CACNA1C: variants seen among roughly 807,000 people sequenced by gnomAD.
The protein encoded by CACNA1C is voltage-dependent L-type calcium channel subunit alpha-1C.
A neutral mutation model predicts 229.0 loss-of-function variants in CACNA1C; 30 were observed. That is an observed-to-expected ratio of 0.13 (90% CI 0.10 to 0.18). The LOEUF (loss-of-function observed/expected upper bound fraction) is 0.18, where lower values mean the gene tolerates loss of function less well. CACNA1C is among the 10% of genes least tolerant of loss of function. CACNA1C has a pLI of 1.00. For missense variants in CACNA1C, 1,658 were observed against 2,845.0 expected (o/e 0.58, Z 9.49); for synonymous variants, 1,114 against 1,132.5 (o/e 0.98, Z 0.33).
At chr12:2,428,934 G>A (rs555598418) in intron 3 of CACNA1C, among the ~76,000 whole-genome samples, 2 of 152,282 alleles carry the variant, frequency 1.3e-5, no homozygotes, top group East Asian at 1.9e-4. Context: ...CTGTCACAAA[G>A]TACCATGAAC....
intron 3 of CACNA1C, among the ~76,000 whole-genome samples, chr12:2,397,603 G>A (rs1456751103): frequency 1.3e-5 from 2 of 152,340 alleles, no homozygotes; most frequent in Non-Finnish European, 2.9e-5. Context: ...GGTTGCAGGG[G>A]AATTTATGTG....
intron 1 of CACNA1C, among the ~76,000 whole-genome samples, chr12:2,025,093 C>A (rs993698423): frequency 6.6e-6 from 1 of 152,210 alleles, no homozygotes; most frequent in Non-Finnish European, 1.5e-5. Context: ...GCCTTCCCCA[C>A]GGCCTCTGCA....
rs1014994256 is a variant in CACNA1C, at chr12:2,415,131, G to A, written c.478-33845G>A. 3.7e-4 allele frequency among the ~76,000 whole-genome samples: 56 copies of A among 152,274 alleles called. No homozygotes were observed. The South Asian group carries it at 4.6e-3, about 12-fold the overall frequency. On this transcript the variant is annotated intron_variant, in intron 3 of 46. Coordinates refer to ENST00000399655, the MANE Select transcript of CACNA1C (RefSeq NM_000719.7). ...CCAGGTTCTGTCAGGGTGGCGAGGGGGCTCACGCAGAGGATCCACTTTTCT... is the reference window on the plus strand; with the variant it reads ...CCAGGTTCTGTCAGGGTGGCGAGGGAGCTCACGCAGAGGATCCACTTTTCT...
chr12:2,504,501 CT>C lies in CACNA1C; in HGVS notation c.1114-336del. 1.9e-6 allele frequency: 3 copies of C among 1,611,416 alleles called. No individual in the cohort carries two copies. The highest frequency in any genetic ancestry group is 2.5e-6 in the Non-Finnish European group (3 of 1,177,718). On this transcript the variant is annotated intron_variant, in intron 7 of 46. Transcript: ENST00000399655. This position sits in a 1 kb window ranked among gnomAD's most constrained non-coding sequence, Gnocchi z 6.8. ...TTGTCAGTCTGGTCATCTTTGGATCCTTTTTCGTTCTAAATCTGGTTCTCGG... is the reference window on the plus strand; with the variant it reads ...TTGTCAGTCTGGTCATCTTTGGATCCTTTTCGTTCTAAATCTGGTTCTCGG...
chr12:2,441,204 G>C (rs2099222033), intron 3 of CACNA1C, among the ~76,000 whole-genome samples: 1 of 152,114 alleles, frequency 6.6e-6, no homozygotes, highest in Non-Finnish European at 1.5e-5. Context: ...ATCTAGGTGG[G>C]CACACACAAG....
At chr12:2,480,925 C>A (rs1011471265) in intron 5 of CACNA1C, among the ~76,000 whole-genome samples, 4 of 152,190 alleles carry the variant, frequency 2.6e-5, no homozygotes, top group Non-Finnish European at 4.4e-5. Flanking sequence ...ATTCTAGGGT[C>A]TTCAACAGTT....
intron 3 of CACNA1C, among the ~76,000 whole-genome samples, chr12:2,377,406 G>C (rs1467121927): frequency 6.6e-6 from 1 of 152,178 alleles, no homozygotes; most frequent in East Asian, 1.9e-4. Flanking sequence ...AGCTGCAACA[G>C]CGCTGCACCC....
chr12:2,279,922 C>A (rs190391305), intron 3 of CACNA1C, among the ~76,000 whole-genome samples: 3 of 152,166 alleles, frequency 2.0e-5, no homozygotes, highest in African/African-American at 4.8e-5. Flanking sequence ...ATCTGTGGGG[C>A]AGGAGGAGGT....
intron 3 of CACNA1C, among the ~76,000 whole-genome samples, chr12:2,324,172 C>T (rs1005627337): frequency 2.6e-5 from 4 of 152,310 alleles, no homozygotes; most frequent in East Asian, 3.9e-4. Context: ...AGATGACTCA[C>T]TCTAGCCACT....
chr12:2,018,961 C>T (rs1026458419), intron 1 of CACNA1C, among the ~76,000 whole-genome samples: 1 of 152,160 alleles, frequency 6.6e-6, no homozygotes, highest in Non-Finnish European at 1.5e-5. Context: ...TTTAACCCTT[C>T]CCTAAATATT....
intron 6 of CACNA1C, among the ~76,000 whole-genome samples, chr12:2,490,775 T>C (rs2099722018): frequency 6.6e-6 from 1 of 152,248 alleles, no homozygotes; most frequent in South Asian, 2.1e-4. Flanking sequence ...AGAGGACTGC[T>C]TGTTTCAGCT....
chr12:2,675,736 G>A (rs761246200), intron 39 of CACNA1C, among the ~76,000 whole-genome samples: 1 of 152,206 alleles, frequency 6.6e-6, no homozygotes, highest in Non-Finnish European at 1.5e-5. Flanking sequence ...CGAGCCCAGA[G>A]ACTCCTAAGC....
At chr12:2,380,687 G>C (rs1398916985) in intron 3 of CACNA1C, among the ~76,000 whole-genome samples, 1 of 152,198 alleles carries the variant, frequency 6.6e-6, no homozygotes, top group Non-Finnish European at 1.5e-5. Context: ...TGGCACGAAA[G>C]GGCTCTGCCA....
Position 2,204,799 on chromosome 12 carries a change from TG to T in CACNA1C, c.477+84374del, listed in dbSNP as rs2097703264. Among the ~76,000 whole-genome samples, 3 of 41,310 alleles carry T rather than the reference TG, an allele frequency of 7.3e-5. No homozygotes were observed. In the South Asian group the frequency reaches 3.0e-3, roughly 42 times the overall value. The allele number at this position is 41,310 out of a possible 152,430, so 27.1% of individuals were successfully genotyped here. A position where few individuals can be genotyped will look rare whatever the true frequency, so the allele number is the denominator to read the frequency against. On this transcript the variant is annotated intron_variant, in intron 3 of 46. Coordinates refer to ENST00000399655, the MANE Select transcript of CACNA1C (RefSeq NM_000719.7). The stretch of plus-strand genomic sequence containing the variant: ...CACACTCTGGGGACTGTGGTGGGGT[TG>T]GGGGAGGGGGGAGGGATAGCATTGG...
intron 4 of CACNA1C, among the ~76,000 whole-genome samples, chr12:2,454,438 A>T (rs1231653269): frequency 6.6e-6 from 1 of 151,896 alleles, no homozygotes. Flanking sequence ...CCTTCGTCCC[A>T]CCGCACTCTT....
At chr12:1,974,438 A>G (rs2033637988) in intron 1 of CACNA1C, among the ~76,000 whole-genome samples, 1 of 152,166 alleles carries the variant, frequency 6.6e-6, no homozygotes, top group Non-Finnish European at 1.5e-5. Flanking sequence ...CGAAGACTGT[A>G]TATTTCGATT....
chr12:2,348,624 T>C lies in CACNA1C; in HGVS notation c.478-100352T>C, dbSNP rs2097119700. ...ATGTTTAGAAGCCGTCCAGAGAATGTTTGGCATGCTGAATATAAACTCATG... is the reference window on the plus strand; with the variant it reads ...ATGTTTAGAAGCCGTCCAGAGAATGCTTGGCATGCTGAATATAAACTCATG... On this transcript the variant is annotated intron_variant, in intron 3 of 46. Transcript: ENST00000399655. The surrounding 1 kb of genome is among the most constrained non-coding windows in gnomAD (Gnocchi z 4.7). Among the ~76,000 whole-genome samples the C allele has an allele frequency of 6.6e-6, 1 of 152,106 alleles. No homozygotes were observed. Among genetic ancestry groups the C allele is most frequent in the African/African-American group, 2.4e-5 (1 of 41,420 alleles).
intron 3 of CACNA1C, among the ~76,000 whole-genome samples, chr12:2,122,977 C>T (rs754564173): frequency 1.3e-5 from 2 of 152,182 alleles, no homozygotes; most frequent in Non-Finnish European, 2.9e-5. Context: ...AAAATTTCCT[C>T]GCAGGGATGC....
Position 2,095,804 on chromosome 12 carries a change from A to C in CACNA1C, c.50-19420A>C, listed in dbSNP as rs550944373. On this transcript the variant is annotated intron_variant, in intron 1 of 46. Transcript: ENST00000399655. Reference sequence around the variant, plus strand: ...AGCGTGGATTTATGATGCCAGAGAAACTGGAAGGTTTAGGAGTGGAGAGGT... The same window carrying C: ...AGCGTGGATTTATGATGCCAGAGAACCTGGAAGGTTTAGGAGTGGAGAGGT... Among the ~76,000 whole-genome samples the C allele has an allele frequency of 2.0e-5, 3 of 152,304 alleles. No individual in the cohort carries two copies. The South Asian group carries it at 6.2e-4, about 32-fold the overall frequency.
Sources: gnomAD v4.1 joint callset for allele counts (sites outside exome capture counted in the v4.1 genomes callset) on GRCh38, gnomAD v4.1.1 for gene constraint, Gnocchi (gnomAD v3.1) non-coding constraint, MANE v1.5 for transcripts, NCBI Gene and HGNC (gene_info 2026-07-23, HGNC 2026-07-21) for gene names.